DYRK4: variants seen among roughly 807,000 people sequenced by gnomAD.
DYRK4 encodes the protein dual specificity tyrosine-phosphorylation-regulated kinase 4.
DYRK4 carries 64 observed loss-of-function variants against 68.3 expected under a neutral mutation model. The ratio of observed to expected loss-of-function variants is 0.94; its 90% confidence interval spans 0.77 to 1.15. The LOEUF (loss-of-function observed/expected upper bound fraction) is 1.15, where lower values mean the gene tolerates loss of function less well. DYRK4 is among the 50% of genes most tolerant of loss of function. The probability of loss-of-function intolerance (pLI) is 0.00; values close to 1 mark genes in which losing one functional copy is unlikely to be tolerated. For synonymous variants in DYRK4, 274 were observed against 289.9 expected (o/e 0.95, Z 0.56); for missense variants, 740 against 764.7 (o/e 0.97, Z 0.38).
chr12:4,568,145 T>G (rs1487533725), intron 2 of DYRK4, 97 bp downstream of exon 2: 4 of 1,160,002 alleles, frequency 3.4e-6, no homozygotes, highest in Non-Finnish European at 4.9e-6. Context: ...CAAGCACCTC[T>G]GGGTACAGCG....
intron 2 of DYRK4, among the ~76,000 whole-genome samples, chr12:4,573,580 C>T (rs1944754372): frequency 6.6e-6 from 1 of 152,056 alleles, no homozygotes; most frequent in East Asian, 1.9e-4. Flanking sequence ...ATCAGTTCGA[C>T]GTTGAAGGTG....
chr12:4,594,471 G>A (rs1314336696), intron 6 of DYRK4, among the ~76,000 whole-genome samples: 4 of 152,110 alleles, frequency 2.6e-5, no homozygotes, highest in African/African-American at 9.7e-5. Context: ...CGATCCATCC[G>A]TCTTGGCCTC....
At chr12:4,592,514 T>G (rs1944968043) in intron 5 of DYRK4, 1 of 152,480 alleles carries the variant, frequency 6.6e-6, no homozygotes, top group African/African-American at 2.4e-5. Context: ...TCTTGCAATC[T>G]GAGGTCCTTC....
At chr12:4,609,348 T>C (rs1274479202) in intron 12 of DYRK4, among the ~76,000 whole-genome samples, 1 of 152,220 alleles carries the variant, frequency 6.6e-6, no homozygotes, top group African/African-American at 2.4e-5. Flanking sequence ...TATGGGAAGA[T>C]TGCGATAGGA....
intron 2 of DYRK4, among the ~76,000 whole-genome samples, chr12:4,582,436 C>T (rs1944852752): frequency 6.6e-6 from 1 of 151,764 alleles, no homozygotes; most frequent in East Asian, 1.9e-4. Context: ...GAAACTCCAT[C>T]TCAAATAAAA....
chr12:4,602,542 G>T, intron 10 of DYRK4: 1 of 1,170,416 alleles, frequency 8.5e-7, no homozygotes, highest in Non-Finnish European at 1.3e-6. Context: ...ACTTATAAGT[G>T]GAGGGATATA....
chr12:4,576,692 C>T (rs1401152268), intron 2 of DYRK4, among the ~76,000 whole-genome samples: 6 of 152,128 alleles, frequency 3.9e-5, no homozygotes, highest in South Asian at 4.1e-4. Flanking sequence ...TGTCAAAATG[C>T]GGTTTTGGAC....
In DYRK4 at chr12:4,599,048, T is replaced by C. The variant is rs775366755; in HGVS notation, c.926T>C (p.Met309Thr). 1 of 1,614,112 alleles carries C rather than the reference T, an allele frequency of 6.2e-7. No homozygotes were observed. Among genetic ancestry groups the C allele is most frequent in the East Asian group, 2.2e-5 (1 of 44,876 alleles). The stretch of plus-strand genomic sequence containing the variant: ...TCCAGAATCAACTTGTATGAGTTGA[T>C]GAAGAATAACAACTTTCAAGGCTTC... Reference protein sequence around the residue: ...ELLGINLYELMKNNNFQGFSL... With the variant: ...ELLGINLYELTKNNNFQGFSL... The change falls in exon 9 of 15, where the codon ATG (methionine) becomes ACG (threonine). Residue 309 changes from methionine to threonine, a missense_variant. Coordinates refer to ENST00000543431, the MANE Select transcript of DYRK4 (RefSeq NM_001394779.1).
At chr12:4,602,225 G>A (rs756649059) in intron 10 of DYRK4, 15 of 1,027,292 alleles carry the variant, frequency 1.5e-5, no homozygotes, top group Non-Finnish European at 2.0e-5. Flanking sequence ...TGCTTTGCTT[G>A]CTGAATTCTC....
chr12:4,578,112 C>T (rs920179061), intron 2 of DYRK4, among the ~76,000 whole-genome samples: 1 of 152,140 alleles, frequency 6.6e-6, no homozygotes, highest in Non-Finnish European at 1.5e-5. Context: ...AAATCATTCC[C>T]TACTCTGAAG....
At chr12:4,609,606 G>A (rs1183279074) in intron 12 of DYRK4, among the ~76,000 whole-genome samples, 2 of 152,178 alleles carry the variant, frequency 1.3e-5, no homozygotes, top group Admixed American at 6.5e-5. Context: ...GGGATGGAGG[G>A]AATGACTGAT....
intron 2 of DYRK4, among the ~76,000 whole-genome samples, chr12:4,587,606 AT>A (rs1350047948): frequency 6.6e-6 from 1 of 152,146 alleles, no homozygotes; most frequent in Non-Finnish European, 1.5e-5. Flanking sequence ...CTCAGATACC[AT>A]TTTCCATTCA....
intron 10 of DYRK4, chr12:4,602,531 A>G: frequency 8.5e-7 from 1 of 1,179,180 alleles, no homozygotes; most frequent in Non-Finnish European, 1.2e-6. Flanking sequence ...GATATAAGCC[A>G]ACTTATAAGT....
At position 4,592,844 on chromosome 12, in the gene DYRK4, T is replaced by G. The variant is rs578236237; in HGVS notation, c.464-158T>G. The G allele has an allele frequency of 1.0e-3, 732 of 722,882 alleles. 13 individuals carry two copies. The South Asian group carries it at 0.014, about 14-fold the overall frequency. 44.8% of individuals were successfully genotyped at this position (722,882 alleles called of 1,614,324 possible). A position where few individuals can be genotyped will look rare whatever the true frequency, so the allele number is the denominator to read the frequency against. ...ACCTTGACATTTATTCTTGTCATACTTCCATCTTGTGAGATGCCAGATGCA... is the reference window on the plus strand; with the variant it reads ...ACCTTGACATTTATTCTTGTCATACGTCCATCTTGTGAGATGCCAGATGCA... On this transcript the variant is annotated intron_variant, in intron 5 of 14. Coordinates refer to ENST00000543431, the MANE Select transcript of DYRK4 (RefSeq NM_001394779.1).
At chr12:4,600,342 G>A (rs561395052) in intron 10 of DYRK4, among the ~76,000 whole-genome samples, 2 of 152,132 alleles carry the variant, frequency 1.3e-5, no homozygotes, top group South Asian at 4.2e-4. Context: ...TTTGTGATCT[G>A]TTTTGTGTCA....
intron 2 of DYRK4, among the ~76,000 whole-genome samples, chr12:4,571,043 T>A (rs1402498756): frequency 6.6e-6 from 1 of 152,150 alleles, no homozygotes; most frequent in African/African-American, 2.4e-5. Context: ...TCTCAAGCAG[T>A]AGGCTGGAGG....
chr12:4,596,695 C>G lies in DYRK4; in HGVS notation c.871C>G (p.Arg291Gly), dbSNP rs763765045. 1 of 1,614,166 alleles carries G rather than the reference C, an allele frequency of 6.2e-7. No homozygotes were observed. The highest frequency in any genetic ancestry group is 1.7e-5 in the Admixed American group (1 of 60,010). Residue 291 changes from arginine (R) to glycine (G), a missense_variant, in exon 8 of 15, where the codon CGC (arginine) becomes GGC (glycine). By Grantham distance (125) the Arg-to-Gly change is moderately radical. Around this residue, in one of 3 missense-constraint regions of DYRK4, gnomAD observed 614 missense variants for 603.7 expected, o/e 1.02. Transcript: ENST00000543431. ...VVHMKDFFYFRNHFCITFELL... is the reference protein window; with the variant it reads ...VVHMKDFFYFGNHFCITFELL... ...GCATATGAAGGACTTTTTCTACTTT[C>G]GCAATCACTTCTGCATCACCTTTGA...
intron 9 of DYRK4, 28 bp downstream of exon 9, chr12:4,599,194 A>C: frequency 6.8e-6 from 11 of 1,611,026 alleles, no homozygotes; most frequent in Non-Finnish European, 9.3e-6. Flanking sequence ...CCTGCCATGG[A>C]CACACTCTGG....
At chr12:4,611,314 C>T (rs965186355) in intron 13 of DYRK4, among the ~76,000 whole-genome samples, 4 of 152,126 alleles carry the variant, frequency 2.6e-5, no homozygotes, top group Non-Finnish European at 5.9e-5. Flanking sequence ...TTACCCCTAC[C>T]TTAACAAATG....
Sources: gnomAD v4.1 joint callset for allele counts (sites outside exome capture counted in the v4.1 genomes callset) on GRCh38, gnomAD v4.1.1 for gene constraint, gnomAD v4.1.1 regional missense constraint, MANE v1.5 for transcripts, NCBI Gene and HGNC (gene_info 2026-07-23, HGNC 2026-07-21) for gene names.